The following HMGXB4 variants were observed in gnomAD, a reference collection of about 807,000 sequenced individuals.
HMGXB4 encodes the protein HMG-box containing 4.
In HMGXB4, 27 loss-of-function variants were observed where a neutral mutation model predicts 63.9. The observed-to-expected ratio is 0.42, with a 90% confidence interval of 0.31 to 0.58. The LOEUF is 0.58. Among genes scored for constraint, HMGXB4 ranks in the 20% least tolerant of loss-of-function variants. The pLI is 0.13. For synonymous variants in HMGXB4, 264 were observed against 265.3 expected, an observed-to-expected ratio of 0.99 and a Z score of 0.05; for missense variants, 624 against 700.7, an observed-to-expected ratio of 0.89 and a Z score of 1.24.
At chr22:35,283,610 T>C (rs1924391111) in intron 5 of HMGXB4, among the ~76,000 whole-genome samples, 1 of 151,992 alleles carries the variant, frequency 6.6e-6, no homozygotes, top group Admixed American at 6.6e-5. Flanking sequence ...GCCAACATGG[T>C]GAAACCCCAT....
upstream of HMGXB4, among the ~76,000 whole-genome samples, chr22:35,253,610 C>T (rs539619580): frequency 2.5e-3 from 373 of 151,974 alleles, 1 homozygote; most frequent in Non-Finnish European, 3.0e-3. Context: ...TGCGCGCGCG[C>T]GCGCGCGTGT....
intron 5 of HMGXB4, among the ~76,000 whole-genome samples, chr22:35,271,745 AAAC>A (rs994430227): frequency 1.3e-5 from 2 of 152,346 alleles, no homozygotes; most frequent in Admixed American, 6.5e-5. Context: ...ATTTTGAGAC[AAAC>A]AACAATACTT....
At chr22:35,291,855 A>C (rs1342010045) in intron 9 of HMGXB4, among the ~76,000 whole-genome samples, 1 of 152,192 alleles carries the variant, frequency 6.6e-6, no homozygotes, top group Non-Finnish European at 1.5e-5. Context: ...ATGTGACCTC[A>C]AGGTCCGGGT....
intron 8 of HMGXB4, 95 bp downstream of exon 8, chr22:35,287,547 G>A: frequency 1.3e-6 from 1 of 765,334 alleles, no homozygotes; most frequent in African/African-American, 1.8e-5. Context: ...TATTAGAAGT[G>A]GACCTTGATT....
chr22:35,247,925 G>A, the HMGXB4 span, among the ~76,000 whole-genome samples: 1 of 152,044 alleles, frequency 6.6e-6, no homozygotes, highest in Non-Finnish European at 1.5e-5. Flanking sequence ...GCATCATTAG[G>A]TGATTTTATT....
the HMGXB4 span, among the ~76,000 whole-genome samples, chr22:35,252,075 T>C: frequency 6.6e-6 from 1 of 151,956 alleles, no homozygotes; most frequent in Non-Finnish European, 1.5e-5. Context: ...ATTAGCCGGG[T>C]GTGGTGGTGC....
Position 35,294,480 on chromosome 22 carries a change from T to C in HMGXB4, c.*829T>C, listed in dbSNP as rs1318426909. ...CCAAGTCCTCACAAGCCGTGCTGCTTAGTTGCTCGGTGGTTATGGATAAAC... is the reference window on the plus strand; with the variant it reads ...CCAAGTCCTCACAAGCCGTGCTGCTCAGTTGCTCGGTGGTTATGGATAAAC... On this transcript the variant is annotated 3_prime_UTR_variant, in exon 11 of 11. Transcript: ENST00000216106. 6.6e-6 allele frequency: 1 copy of C among 152,628 alleles called. No homozygotes were observed. The highest frequency in any genetic ancestry group is 6.5e-5 in the Admixed American group (1 of 15,274). The allele number at this position is 152,628 out of a possible 1,614,324, so 9.5% of individuals were successfully genotyped here.
At chr22:35,272,991 T>C (rs985771528) in intron 5 of HMGXB4, among the ~76,000 whole-genome samples, 4 of 152,206 alleles carry the variant, frequency 2.6e-5, no homozygotes, top group African/African-American at 9.7e-5. Context: ...CCTTTAGTTA[T>C]CTGTGTGTTT....
At chr22:35,242,389 GT>G in the HMGXB4 span, among the ~76,000 whole-genome samples, 1 of 152,084 alleles carries the variant, frequency 6.6e-6, no homozygotes, top group Non-Finnish European at 1.5e-5. Flanking sequence ...AATAGTTGGT[GT>G]TTTTTGAAGA....
At chr22:35,272,982 C>G (rs557077961) in intron 5 of HMGXB4, among the ~76,000 whole-genome samples, 2 of 152,290 alleles carry the variant, frequency 1.3e-5, no homozygotes, top group South Asian at 4.1e-4. Context: ...AGAGACATGC[C>G]TTTAGTTATC....
At chr22:35,291,930 G>C (rs1258575800) in intron 9 of HMGXB4, among the ~76,000 whole-genome samples, 1 of 152,196 alleles carries the variant, frequency 6.6e-6, no homozygotes, top group African/African-American at 2.4e-5. Flanking sequence ...CAAGGAGGAT[G>C]AGGGAAAGGA....
At chr22:35,269,274 A>T (rs980884236) in intron 5 of HMGXB4, among the ~76,000 whole-genome samples, 1 of 152,218 alleles carries the variant, frequency 6.6e-6, no homozygotes, top group Admixed American at 6.5e-5. Flanking sequence ...GCTGCTCTGG[A>T]GGCAGAGGCA....
chr22:35,253,323 C>T (rs374969886), upstream of HMGXB4, among the ~76,000 whole-genome samples: 7 of 152,136 alleles, frequency 4.6e-5, no homozygotes, highest in African/African-American at 1.7e-4. Context: ...TTTTCTTTTA[C>T]ATTTGTACCA....
Position 35,281,862 on chromosome 22 carries a change from G to T in HMGXB4, c.1216-2100G>T, listed in dbSNP as rs1313358778. Among the ~76,000 whole-genome samples, 5 of 152,142 alleles carry T rather than the reference G, an allele frequency of 3.3e-5. No homozygotes were observed. In the East Asian group the frequency reaches 9.6e-4, roughly 29 times the overall value. On this transcript the variant is annotated intron_variant, in intron 5 of 10. Coordinates refer to ENST00000216106, the MANE Select transcript of HMGXB4 (RefSeq NM_001003681.3). ...CAATCTCATTCAAAGCAGTTACCTT[G>T]GAAGGTGTTCTAGGAATGTTTCTAT...
upstream of HMGXB4, among the ~76,000 whole-genome samples, chr22:35,254,680 C>G (rs368135552): frequency 6.6e-6 from 1 of 152,232 alleles, no homozygotes; most frequent in Admixed American, 6.5e-5. Context: ...ACTCTCAATT[C>G]TGTTCACTGT....
At chr22:35,261,454 C>T (rs1388314199) in intron 1 of HMGXB4, among the ~76,000 whole-genome samples, 2 of 142,092 alleles carry the variant, frequency 1.4e-5, no homozygotes, top group Admixed American at 1.4e-4. Flanking sequence ...AAAAAAAAAT[C>T]CTTTTACCTT....
At position 35,284,040 on chromosome 22, in the gene HMGXB4, A is replaced by G; in HGVS notation, c.1294A>G (p.Ile432Val). The G allele has an allele frequency of 2.5e-6, 4 of 1,609,316 alleles. No individual in the cohort carries two copies. The highest frequency in any genetic ancestry group is 3.4e-6 in the Non-Finnish European group (4 of 1,175,500). Residue 432 changes from isoleucine (I) to valine (V), a missense_variant, in exon 6 of 11, where the codon ATA becomes GTA. Physicochemically the swap from Ile to Val is conservative, Grantham distance 29 (BLOSUM62 3). Transcript: ENST00000216106. The part of the protein sequence containing the change: ...RVTIVADHPG[I>V]DFGELSKKLA... Reference sequence around the variant, plus strand: ...GACCATTGTGGCTGACCATCCAGGTATAGGTAAGAACATTACTGATCTGTA... The same window carrying G: ...GACCATTGTGGCTGACCATCCAGGTGTAGGTAAGAACATTACTGATCTGTA...
chr22:35,282,487 G>A (rs1457475523), intron 5 of HMGXB4, among the ~76,000 whole-genome samples: 2 of 152,070 alleles, frequency 1.3e-5, no homozygotes, highest in East Asian at 1.9e-4. Context: ...AATAACTGTA[G>A]GGCCAAAAAG....
In HMGXB4 at chr22:35,283,017, T is replaced by C. The variant is rs540610118; in HGVS notation, c.1216-945T>C. 3.3e-5 allele frequency among the ~76,000 whole-genome samples: 5 copies of C among 152,368 alleles called. No homozygotes were observed. In the South Asian group the frequency reaches 1.0e-3, roughly 32 times the overall value. On this transcript the variant is annotated intron_variant, in intron 5 of 10. Coordinates refer to ENST00000216106, the MANE Select transcript of HMGXB4 (RefSeq NM_001003681.3). ...TATATTCCTTTTGGCATTGTCAGAATATAGTGAAGAACAAACATGCCTCAG... is the reference window on the plus strand; with the variant it reads ...TATATTCCTTTTGGCATTGTCAGAACATAGTGAAGAACAAACATGCCTCAG...
Sources: allele counts gnomAD v4.1 joint callset (sites outside exome capture counted in the v4.1 genomes callset), GRCh38; gene constraint gnomAD v4.1.1; transcripts MANE v1.5; gene names NCBI Gene and HGNC (gene_info 2026-07-23, HGNC 2026-07-21).